KCNMB2: variants seen among roughly 807,000 people sequenced by gnomAD.
KCNMB2 encodes the protein calcium-activated potassium channel subunit beta-2.
KCNMB2 carries 9 observed loss-of-function variants against 24.5 expected under a neutral mutation model. The ratio of observed to expected loss-of-function variants is 0.37; its 90% CI spans 0.22 to 0.64. The LOEUF (loss-of-function observed/expected upper bound fraction) is 0.64, where lower values mean the gene tolerates loss of function less well. KCNMB2 is among the 30% of genes least tolerant of loss of function. The pLI, the probability that KCNMB2 is intolerant of heterozygous loss-of-function variation, is 0.63. For missense variants in KCNMB2, 226 were observed against 284.3 expected, an observed-to-expected ratio of 0.79 and a Z score of 1.47; for synonymous variants, 109 against 104.4, an observed-to-expected ratio of 1.04 and a Z score of -0.27.
chr3:178,807,212 C>A, intron 1 of KCNMB2, 131 bp from the exon 2 acceptor site: 1 of 463,334 alleles, frequency 2.2e-6, no homozygotes, highest in Non-Finnish European at 3.8e-6. Context: ...CTTAAAAATT[C>A]CCAGTCAATT....
At chr3:178,800,939 A>G (rs12494316) in intron 1 of KCNMB2, among the ~76,000 whole-genome samples, 27,609 of 152,142 alleles carry the variant, frequency 0.18, 2,878 homozygotes, top group African/African-American at 0.28. Flanking sequence ...GACAAAGTTC[A>G]CATGGTCTCA....
intron 1 of KCNMB2, among the ~76,000 whole-genome samples, chr3:178,557,754 T>C (rs1716174412): frequency 6.6e-6 from 1 of 152,228 alleles, no homozygotes; most frequent in Non-Finnish European, 1.5e-5. Context: ...AAGCAGTGCA[T>C]TGAGATCTCT....
At chr3:178,811,372 T>A (rs6779896) in intron 2 of KCNMB2, among the ~76,000 whole-genome samples, 71,877 of 151,484 alleles carry the variant, frequency 0.47, 17,766 homozygotes, top group African/African-American at 0.62. Context: ...GGCATATCAT[T>A]CCCCGATTTT....
chr3:178,651,255 A>G (rs1468732212), intron 1 of KCNMB2, among the ~76,000 whole-genome samples: 1 of 152,202 alleles, frequency 6.6e-6, no homozygotes, highest in Admixed American at 6.5e-5. Flanking sequence ...ATCAATGTGC[A>G]AAAATCACAA....
At chr3:178,794,789 G>A (rs77727126) in intron 1 of KCNMB2, among the ~76,000 whole-genome samples, 21,830 of 152,158 alleles carry the variant, frequency 0.14, 1,858 homozygotes, top group Non-Finnish European at 0.19. Context: ...AGGGTCTTAA[G>A]TAATCACCAC....
intron 1 of KCNMB2, among the ~76,000 whole-genome samples, chr3:178,536,965 G>C (rs978211893): frequency 2.0e-5 from 3 of 152,178 alleles, no homozygotes; most frequent in Admixed American, 1.3e-4. Context: ...CTTTTCCTGT[G>C]GAGTAGAATG....
chr3:178,701,604 G>A (rs1268259497), intron 1 of KCNMB2, among the ~76,000 whole-genome samples: 3 of 151,306 alleles, frequency 2.0e-5, no homozygotes, highest in South Asian at 2.1e-4. Flanking sequence ...AAAAGTGGGT[G>A]AAGGATACGA....
chr3:178,807,645 T>G (rs559390392), intron 2 of KCNMB2, among the ~76,000 whole-genome samples, 180 bp downstream of exon 2: 1 of 152,310 alleles, frequency 6.6e-6, no homozygotes, highest in East Asian at 1.9e-4. Flanking sequence ...ACTTTACATG[T>G]TCGCTTTCAG....
intron 1 of KCNMB2, among the ~76,000 whole-genome samples, chr3:178,618,422 TA>T (rs1718793538): frequency 6.6e-6 from 1 of 152,190 alleles, no homozygotes; most frequent in Non-Finnish European, 1.5e-5. Flanking sequence ...CATCCTGCCC[TA>T]ATCCTTCTCT....
intron 1 of KCNMB2, among the ~76,000 whole-genome samples, chr3:178,751,746 G>T (rs895556939): frequency 1.3e-5 from 2 of 152,180 alleles, no homozygotes; most frequent in Admixed American, 1.3e-4. Context: ...TTTATTATGG[G>T]AGACAATCAA....
chr3:178,731,490 T>A (rs1723148793), intron 1 of KCNMB2, among the ~76,000 whole-genome samples: 1 of 152,144 alleles, frequency 6.6e-6, no homozygotes. Flanking sequence ...TGAGAACCAC[T>A]GGTCAAGGAA....
chr3:178,787,018 A>G (rs996887820), intron 1 of KCNMB2, among the ~76,000 whole-genome samples: 2 of 152,130 alleles, frequency 1.3e-5, no homozygotes, highest in East Asian at 1.9e-4. Flanking sequence ...CACATGTTAC[A>G]TATAAGGAAT....
At chr3:178,778,544 T>A (rs1712693159) in intron 1 of KCNMB2, among the ~76,000 whole-genome samples, 1 of 151,262 alleles carries the variant, frequency 6.6e-6, no homozygotes. Context: ...GTAAAGCATG[T>A]CTCAAATCTT....
At chr3:178,581,646 A>T (rs1321980169) in intron 1 of KCNMB2, among the ~76,000 whole-genome samples, 1 of 152,222 alleles carries the variant, frequency 6.6e-6, no homozygotes, top group Non-Finnish European at 1.5e-5. Flanking sequence ...TCTAGAATCT[A>T]CAAGGAGCTT....
In KCNMB2 at chr3:178,827,223, A is replaced by G. The variant is rs530647322; in HGVS notation, c.228-955A>G. Reference sequence around the variant, plus strand: ...TTCCTAATTACAAATGTTAATCTTGATCATAAAATTAAAGGTATTTTTAAA... The same window carrying G: ...TTCCTAATTACAAATGTTAATCTTGGTCATAAAATTAAAGGTATTTTTAAA... On this transcript the variant is annotated intron_variant, in intron 3 of 4. Transcript: ENST00000452583. 9.8e-5 allele frequency among the ~76,000 whole-genome samples: 15 copies of G among 152,324 alleles called. 1 individual carries two copies. In the South Asian group the frequency reaches 2.9e-3, roughly 29 times the overall value.
At chr3:178,797,663 T>C (rs1052337487) in intron 1 of KCNMB2, among the ~76,000 whole-genome samples, 6 of 152,214 alleles carry the variant, frequency 3.9e-5, no homozygotes, top group African/African-American at 1.4e-4. Context: ...AAGCATTTAA[T>C]TCTGTGAAGA....
intron 1 of KCNMB2, among the ~76,000 whole-genome samples, chr3:178,606,193 C>T (rs1718265243): frequency 6.6e-6 from 1 of 152,110 alleles, no homozygotes. Context: ...TGCAAATGTG[C>T]ACTATTGAAG....
At chr3:178,580,834 A>G (rs551077767) in intron 1 of KCNMB2, among the ~76,000 whole-genome samples, 2 of 152,320 alleles carry the variant, frequency 1.3e-5, no homozygotes, top group East Asian at 3.9e-4. Flanking sequence ...CTCTTCAAGG[A>G]CAACTACAAA....
intron 1 of KCNMB2, among the ~76,000 whole-genome samples, chr3:178,565,895 G>C (rs1373726101): frequency 1.3e-5 from 2 of 152,030 alleles, no homozygotes; most frequent in Non-Finnish European, 2.9e-5. Flanking sequence ...ATGAAATCTA[G>C]AACCTGGAAA....
Sources: gnomAD v4.1 joint callset for allele counts (sites outside exome capture counted in the v4.1 genomes callset) on GRCh38, gnomAD v4.1.1 for gene constraint, MANE v1.5 for transcripts, NCBI Gene and HGNC (gene_info 2026-07-23, HGNC 2026-07-21) for gene names.